BBS12: variants seen among roughly 807,000 people sequenced by gnomAD.
BBS12 encodes the protein Bardet-Biedl syndrome 12, also known as chaperonin-containing T-complex member BBS12.
A neutral mutation model predicts 5.6 loss-of-function variants in BBS12; 5 were observed. The ratio of observed to expected loss-of-function variants is 0.89; its 90% CI spans 0.46 to 1.86. The LOEUF (loss-of-function observed/expected upper bound fraction) is 1.86, where lower values mean the gene tolerates loss of function less well. Among genes scored for constraint, BBS12 ranks in the 40% most tolerant of loss-of-function variants. The pLI is 0.01. For synonymous variants in BBS12, 308 were observed against 306.8 expected (o/e 1.00, Z -0.04); for missense variants, 748 against 830.4 (o/e 0.90, Z 1.22).
At chr4:122,725,943 A>C in the BBS12 span, among the ~76,000 whole-genome samples, 2 of 151,842 alleles carry the variant, frequency 1.3e-5, no homozygotes, top group Non-Finnish European at 2.9e-5. Context: ...CAAGGACACA[A>C]ATCTAAAACC....
At chr4:122,716,413 T>G in the BBS12 span, among the ~76,000 whole-genome samples, 1 of 152,006 alleles carries the variant, frequency 6.6e-6, no homozygotes, top group Non-Finnish European at 1.5e-5. Context: ...AGTCTCTTTT[T>G]AAGTCACTTT....
chr4:122,706,794 A>G, the BBS12 span, among the ~76,000 whole-genome samples: 1 of 152,184 alleles, frequency 6.6e-6, no homozygotes, highest in Non-Finnish European at 1.5e-5. Context: ...AGAAAAGTTG[A>G]TTTTGAAGAA....
Position 122,741,955 on chromosome 4 carries a change from A to T in BBS12, c.63A>T (p.Ser21=), listed in dbSNP as rs776279953. ...ACATGGGACTTCAACAACTTTCATC[A>T]TTCGCGGAAACAGGAAGAACTTTCC... ...RRHMGLQQLS[S]FAETGRTFLG... The change falls in exon 2 of 2, where the codon TCA becomes TCT. Residue 21 remains serine, a synonymous_variant. Transcript: ENST00000314218. 22 of 1,613,684 alleles carry T rather than the reference A, an allele frequency of 1.4e-5. No individual in the cohort carries two copies. Among genetic ancestry groups the T allele is most frequent in the Non-Finnish European group, 1.8e-5 (21 of 1,179,878 alleles).
chr4:122,736,286 G>A (rs1299819078), intron 1 of BBS12, among the ~76,000 whole-genome samples: 4 of 152,120 alleles, frequency 2.6e-5, no homozygotes, highest in African/African-American at 9.7e-5. Context: ...AAGGCATAAA[G>A]CTTTATTTTC....
At chr4:122,713,117 T>G in the BBS12 span, among the ~76,000 whole-genome samples, 2 of 152,304 alleles carry the variant, frequency 1.3e-5, no homozygotes, top group East Asian at 1.9e-4. Flanking sequence ...TTCGACTTAT[T>G]TATTAATGAA....
the BBS12 span, among the ~76,000 whole-genome samples, chr4:122,711,715 T>C: frequency 1.3e-5 from 2 of 152,208 alleles, no homozygotes; most frequent in African/African-American, 4.8e-5. Context: ...TGTATCAAGT[T>C]AGTCAAAACG....
At chr4:122,716,825 T>G in the BBS12 span, among the ~76,000 whole-genome samples, 1 of 151,932 alleles carries the variant, frequency 6.6e-6, no homozygotes, top group Non-Finnish European at 1.5e-5. Flanking sequence ...ACTCCTGACT[T>G]TTCATTAACA....
chr4:122,735,069 A>G (rs907879534), intron 1 of BBS12, among the ~76,000 whole-genome samples: 2 of 152,248 alleles, frequency 1.3e-5, no homozygotes, highest in African/African-American at 2.4e-5. Context: ...AGACACAAAC[A>G]TAATACAATG....
At chr4:122,729,466 T>C (rs1419047639), upstream of BBS12, 1 of 152,236 alleles carries the variant, frequency 6.6e-6, no homozygotes, top group Non-Finnish European at 1.5e-5. Context: ...ACAGTTATCT[T>C]GAAAGTTTTA....
chr4:122,726,238 G>A, the BBS12 span, among the ~76,000 whole-genome samples: 391 of 151,894 alleles, frequency 2.6e-3, 3 homozygotes, highest in African/African-American at 9.0e-3. Flanking sequence ...GAAAAAAAAC[G>A]ATGCCATCAA....
intron 1 of BBS12, among the ~76,000 whole-genome samples, chr4:122,735,025 ATAAC>A (rs200680973): frequency 0.01 from 1,558 of 152,330 alleles, 29 homozygotes; most frequent in African/African-American, 0.036. Flanking sequence ...TAAAAGATGA[ATAAC>A]TAAGGAATCT....
At chr4:122,718,418 G>A in the BBS12 span, among the ~76,000 whole-genome samples, 1 of 152,052 alleles carries the variant, frequency 6.6e-6, no homozygotes, top group Non-Finnish European at 1.5e-5. Flanking sequence ...CTAACTTCCT[G>A]CTGCAAACAA....
At position 122,742,627 on chromosome 4, in the gene BBS12, G is replaced by A; in HGVS notation, c.735G>A (p.Gly245=). The A allele has an allele frequency of 6.2e-7, 1 of 1,614,146 alleles. No homozygotes were observed. ...RHFNRTDNTE[G]VSKPDGFQEH... is the part of the protein sequence containing the mutation. The stretch of plus-strand genomic sequence containing the variant: ...TTAATAGGACAGATAATACTGAAGG[G>A]GTAAGCAAACCAGATGGATTTCAAG... The change falls in exon 2 of 2, where the codon GGG becomes GGA. Residue 245 remains glycine (G), a synonymous_variant. Coordinates refer to ENST00000314218, the MANE Select transcript of BBS12 (RefSeq NM_152618.3).
Position 122,738,247 on chromosome 4 carries a change from C to T in BBS12, c.-10-3636C>T, listed in dbSNP as rs371309619. 3.9e-5 allele frequency among the ~76,000 whole-genome samples: 6 copies of T among 152,130 alleles called. No individual in the cohort carries two copies. The South Asian group carries it at 8.3e-4, about 21-fold the overall frequency. ...TTTCTTTTTTTTTGAGACAGAGTCT[C>T]GCTCTGTTGCCCAGGTTGGAGTGTG... On this transcript the variant is annotated intron_variant, in intron 1 of 1. Coordinates refer to ENST00000314218, the MANE Select transcript of BBS12 (RefSeq NM_152618.3).
chr4:122,734,792 T>C (rs1039109563), intron 1 of BBS12, among the ~76,000 whole-genome samples: 8 of 152,216 alleles, frequency 5.3e-5, no homozygotes, highest in Non-Finnish European at 1.0e-4. Flanking sequence ...TTTTTAATTG[T>C]AGGCTCAGAT....
the BBS12 span, among the ~76,000 whole-genome samples, chr4:122,707,967 TCC>T: frequency 2.7e-3 from 411 of 150,384 alleles, 11 homozygotes; most frequent in East Asian, 0.025. Context: ...CTTCCTTCCT[TCC>T]TTCCTTTCTT....
chr4:122,735,437 G>A (rs916688803), intron 1 of BBS12, among the ~76,000 whole-genome samples: 1 of 152,144 alleles, frequency 6.6e-6, no homozygotes, highest in Non-Finnish European at 1.5e-5. Context: ...TTTTTTGGCA[G>A]TGGAGTAATC....
the BBS12 span, among the ~76,000 whole-genome samples, chr4:122,709,836 A>G: frequency 6.6e-6 from 1 of 151,900 alleles, no homozygotes; most frequent in Non-Finnish European, 1.5e-5. Flanking sequence ...TTGTATTTTT[A>G]GTAGAGACGG....
upstream of BBS12, chr4:122,731,339 C>A (rs1436359722): frequency 6.6e-6 from 1 of 152,186 alleles, no homozygotes; most frequent in Non-Finnish European, 1.5e-5. Flanking sequence ...CTCTATCCTG[C>A]AATATAGCCT....
Sources: gnomAD v4.1 joint callset for allele counts (sites outside exome capture counted in the v4.1 genomes callset) on GRCh38, gnomAD v4.1.1 for gene constraint, MANE v1.5 for transcripts, NCBI Gene and HGNC (gene_info 2026-07-23, HGNC 2026-07-21) for gene names.